RAD23B: variants seen among roughly 807,000 people sequenced by gnomAD.
RAD23B encodes RAD23 nucleotide excision repair protein B, also known as lysine-specific demethylase RAD23B.
Under a neutral mutation model 49.1 loss-of-function variants are expected in RAD23B, and 5 were observed. That is an observed-to-expected ratio of 0.10 (90% CI 0.05 to 0.21). The LOEUF (loss-of-function observed/expected upper bound fraction) is 0.21. Among genes scored for constraint, RAD23B ranks in the 10% least tolerant of loss-of-function variants. The pLI is 1.00. For synonymous variants in RAD23B, 184 were observed against 165.4 expected (o/e 1.11, Z -0.86); for missense variants, 356 against 486.7 (o/e 0.73, Z 2.53).
chr9:107,285,573 A>G (rs1305469601), intron 1 of RAD23B, among the ~76,000 whole-genome samples: 1 of 152,246 alleles, frequency 6.6e-6, no homozygotes, highest in Admixed American at 6.5e-5. Context: ...CTGAGAGTCA[A>G]TGCTGTACCT....
Position 107,331,570 on chromosome 9 carries a change from A to G in RAD23B, c.*1914A>G. On this transcript the variant is annotated 3_prime_UTR_variant, in exon 10 of 10. Transcript: ENST00000358015. ...AAAATGAGAATTCATATATACGTTC[A>G]TCTTTCAAGTCAGAGCAATGAGTTG... The G allele has an allele frequency of 1.5e-6, 1 of 680,182 alleles. No homozygotes were observed. The highest frequency in any genetic ancestry group is 2.7e-6 in the Non-Finnish European group (1 of 373,706). 42.1% of individuals were successfully genotyped at this position (680,182 alleles called of 1,614,324 possible). A position where few individuals can be genotyped will look rare whatever the true frequency, so the allele number is the denominator to read the frequency against.
chr9:107,285,148 G>A lies in RAD23B; in HGVS notation c.66+1453G>A, dbSNP rs141948750. Among the ~76,000 whole-genome samples the A allele has an allele frequency of 1.8e-3, 276 of 152,330 alleles. 1 individual carries two copies. Among genetic ancestry groups the A allele is most frequent in the Admixed American group, 4.1e-3 (62 of 15,296 alleles). ...CTTCTTAAAAGTACAGGAGATCTCA[G>A]TTATACATGAGAAACTTTTCAGTGT... On this transcript the variant is annotated intron_variant, in intron 1 of 9. Coordinates refer to ENST00000358015, the MANE Select transcript of RAD23B (RefSeq NM_002874.5).
At chr9:107,293,772 T>G (rs1194899788) in intron 1 of RAD23B, among the ~76,000 whole-genome samples, 1 of 152,200 alleles carries the variant, frequency 6.6e-6, no homozygotes, top group Non-Finnish European at 1.5e-5. Context: ...GACCTAAATT[T>G]GTCGAATGAA....
At chr9:107,310,780 C>T (rs947708093) in intron 4 of RAD23B, among the ~76,000 whole-genome samples, 25 of 152,260 alleles carry the variant, frequency 1.6e-4, no homozygotes, top group Admixed American at 6.5e-4. Context: ...GCCCTACCCA[C>T]AACACTTTGG....
At chr9:107,311,009 C>T (rs916463523) in intron 4 of RAD23B, among the ~76,000 whole-genome samples, 1 of 152,090 alleles carries the variant, frequency 6.6e-6, no homozygotes, top group Non-Finnish European at 1.5e-5. Context: ...CTACCTTTAC[C>T]ACTGTTGTAA....
intron 9 of RAD23B, among the ~76,000 whole-genome samples, chr9:107,328,301 A>T (rs1340578549): frequency 2.0e-5 from 3 of 152,088 alleles, no homozygotes; most frequent in Non-Finnish European, 2.9e-5. Flanking sequence ...GGCACCAGGG[A>T]CCAGTTACGT....
At chr9:107,308,918 C>T (rs1826835319) in intron 4 of RAD23B, among the ~76,000 whole-genome samples, 1 of 152,162 alleles carries the variant, frequency 6.6e-6, no homozygotes, top group Non-Finnish European at 1.5e-5. Flanking sequence ...CTGTTTAGGA[C>T]CACTGACCTG....
At position 107,283,562 on chromosome 9, in the gene RAD23B, A is replaced by T; in HGVS notation, c.-68A>T. The T allele has an allele frequency of 7.8e-7, 1 of 1,282,398 alleles. No individual in the cohort carries two copies. Among genetic ancestry groups the T allele is most frequent in the Non-Finnish European group, 1.0e-6 (1 of 974,040 alleles). 79.4% of individuals were successfully genotyped at this position (1,282,398 alleles called of 1,614,324 possible). A position where few individuals can be genotyped will look rare whatever the true frequency, so the allele number is the denominator to read the frequency against. On this transcript the variant is annotated 5_prime_UTR_variant, in exon 1 of 10. Transcript: ENST00000358015. ...GCGCGGGCGACCCCGGGGCCCCGCCAGGCCACAGACCCCGCCCAGCGGCCA... is the reference window on the plus strand; with the variant it reads ...GCGCGGGCGACCCCGGGGCCCCGCCTGGCCACAGACCCCGCCCAGCGGCCA...
intron 4 of RAD23B, among the ~76,000 whole-genome samples, chr9:107,309,516 T>A (rs115303536): frequency 0.012 from 1,757 of 152,318 alleles, 26 homozygotes; most frequent in African/African-American, 0.039. Context: ...ATATAACTAA[T>A]GAGTGGTTTC....
intron 5 of RAD23B, among the ~76,000 whole-genome samples, chr9:107,315,040 TAG>T (rs1290390473): frequency 6.6e-6 from 1 of 152,210 alleles, no homozygotes; most frequent in Non-Finnish European, 1.5e-5. Context: ...AGCACTTTGT[TAG>T]ATTGCCTAAG....
intron 7 of RAD23B, 39 bp from the exon 8 acceptor site, chr9:107,323,850 AT>A: frequency 1.3e-6 from 2 of 1,550,708 alleles, no homozygotes; most frequent in Non-Finnish European, 1.8e-6. Flanking sequence ...TTGTGTATGT[AT>A]TTACTGCTTT....
intron 2 of RAD23B, among the ~76,000 whole-genome samples, chr9:107,300,475 G>GTT (rs752129394): frequency 5.2e-4 from 77 of 149,354 alleles, no homozygotes; most frequent in Non-Finnish European, 9.1e-4. Flanking sequence ...ACTGGCTTTT[G>GTT]TTTTTTTAAT....
intron 1 of RAD23B, among the ~76,000 whole-genome samples, chr9:107,290,595 C>T (rs1833364187): frequency 6.6e-6 from 1 of 152,156 alleles, no homozygotes; most frequent in African/African-American, 2.4e-5. Context: ...AAAAGTCTTT[C>T]TCCTCTTTAT....
At chr9:107,326,910 A>T (rs997101046) in intron 9 of RAD23B, among the ~76,000 whole-genome samples, 1 of 152,030 alleles carries the variant, frequency 6.6e-6, no homozygotes, top group Admixed American at 6.6e-5. Context: ...AAGTGCTGGG[A>T]TTACAGGCGT....
chr9:107,322,258 G>A (rs1827125575), intron 7 of RAD23B, 140 bp downstream of exon 7: 1 of 1,087,604 alleles, frequency 9.2e-7, no homozygotes, highest in South Asian at 2.3e-5. Flanking sequence ...ACTAATGTTT[G>A]AGAAAGGCCC....
chr9:107,320,230 G>C (rs1228083736), intron 6 of RAD23B, among the ~76,000 whole-genome samples: 1 of 152,132 alleles, frequency 6.6e-6, no homozygotes. Context: ...GTCTTTAAAT[G>C]CTGGCAGTTT....
rs910664861 is a variant in RAD23B at position 107,300,229 on chromosome 9, A to G, written c.148+7A>G. 9 of 1,596,130 alleles carry G rather than the reference A, an allele frequency of 5.6e-6. No homozygotes were observed. The African/African-American group carries it at 8.1e-5, about 14-fold the overall frequency. On this transcript the variant is annotated splice_region_variant and intron_variant, in intron 2 of 9. Transcript: ENST00000358015. ...CAAAAATTAATTTATGCAGGTATGA[A>G]TTAAATATTAAAATTAACATGCCAT...
intron 1 of RAD23B, among the ~76,000 whole-genome samples, chr9:107,287,985 A>G (rs1833309460): frequency 1.3e-5 from 2 of 152,214 alleles, no homozygotes; most frequent in Non-Finnish European, 2.9e-5. Flanking sequence ...ATACAATTTC[A>G]TATTATACAA....
chr9:107,289,064 CTTCCTCCCTCCCTTCCTCCCTCCT>C (rs1219155666), intron 1 of RAD23B, among the ~76,000 whole-genome samples: 4 of 21,672 alleles, frequency 1.8e-4, no homozygotes, highest in Non-Finnish European at 3.3e-4. Flanking sequence ...CCCTTCTTCC[CTTCCTCCCTCCCTTCCTCCCTCCT>C]TTCCTCCCTT....
Sources: gnomAD v4.1 joint callset for allele counts (sites outside exome capture counted in the v4.1 genomes callset) on GRCh38, gnomAD v4.1.1 for gene constraint, MANE v1.5 for transcripts, NCBI Gene and HGNC (gene_info 2026-07-23, HGNC 2026-07-21) for gene names.